ELF1: variants seen among roughly 807,000 people sequenced by gnomAD.
ELF1 encodes the protein E74 like ETS transcription factor 1.
In ELF1, 24 loss-of-function variants were observed where a neutral mutation model predicts 59.9. That is an observed-to-expected ratio of 0.40 (90% CI 0.29 to 0.56). The LOEUF (loss-of-function observed/expected upper bound fraction) is 0.56, where lower values mean the gene tolerates loss of function less well. ELF1 is among the 20% of genes least tolerant of loss of function. The pLI is 0.44. For missense variants in ELF1, 627 were observed against 742.2 expected (o/e 0.84, Z 1.80); for synonymous variants, 248 against 266.2 (o/e 0.93, Z 0.67).
chr13:40,983,473 C>T (rs1031424605), intron 1 of ELF1, among the ~76,000 whole-genome samples: 1 of 152,126 alleles, frequency 6.6e-6, no homozygotes, highest in Admixed American at 6.5e-5. Context: ...TAGGGGTCAT[C>T]ATGGATGACT....
chr13:41,005,877 T>C (rs1230088727), intron 1 of ELF1, among the ~76,000 whole-genome samples: 2 of 152,214 alleles, frequency 1.3e-5, no homozygotes, highest in African/African-American at 4.8e-5. Context: ...TTCTGTATCA[T>C]AAACTTGGGC....
chr13:40,995,662 T>TA (rs79517348), intron 1 of ELF1, among the ~76,000 whole-genome samples: 1,772 of 140,178 alleles, frequency 0.013, 39 homozygotes, highest in African/African-American at 0.041. Flanking sequence ...ATATCCACAT[T>TA]AAAAAAAAAA....
intron 1 of ELF1, among the ~76,000 whole-genome samples, chr13:41,059,716 G>T (rs1877426147): frequency 6.6e-6 from 1 of 152,090 alleles, no homozygotes; most frequent in Non-Finnish European, 1.5e-5. Flanking sequence ...CTCACATGCT[G>T]CTGACACAGC....
intron 1 of ELF1, among the ~76,000 whole-genome samples, chr13:41,000,624 C>T (rs772566794): frequency 4.6e-5 from 7 of 152,020 alleles, no homozygotes; most frequent in Non-Finnish European, 1.0e-4. Flanking sequence ...TGGGCACTTA[C>T]TAGATTTAAA....
At chr13:40,973,944 T>C (rs950383256) in intron 2 of ELF1, among the ~76,000 whole-genome samples, 9 of 152,188 alleles carry the variant, frequency 5.9e-5, no homozygotes, top group African/African-American at 2.2e-4. Flanking sequence ...TTCCATTTAC[T>C]ATAACTGAAT....
rs190102669 is a variant in ELF1 at position 40,994,012 on chromosome 13, A to T, written c.-228-11730T>A. 1.7e-3 allele frequency among the ~76,000 whole-genome samples: 252 copies of T among 152,052 alleles called. 1 individual carries two copies. Among genetic ancestry groups the T allele is most frequent in the Non-Finnish European group, 2.4e-3 (164 of 67,934 alleles). On this transcript the variant is annotated intron_variant, in intron 1 of 8. Coordinates refer to ENST00000239882, the MANE Select transcript of ELF1 (RefSeq NM_172373.4). ...TTAGCTTCAACCATGCTAATAATAA[A>T]AAAAAAAAATCAATATGATCAAACT...
At chr13:41,022,827 C>T (rs990475963), upstream of ELF1, among the ~76,000 whole-genome samples, 1 of 152,062 alleles carries the variant, frequency 6.6e-6, no homozygotes, top group Admixed American at 6.6e-5. Context: ...TGCAGTGAGC[C>T]GAGGTTGCAC....
intron 1 of ELF1, among the ~76,000 whole-genome samples, chr13:41,027,591 T>C (rs1875989209): frequency 6.6e-6 from 1 of 152,222 alleles, no homozygotes; most frequent in African/African-American, 2.4e-5. Flanking sequence ...GCTGCTTCCA[T>C]CACAGAAGGG....
At chr13:40,976,897 C>A (rs1872944793) in intron 2 of ELF1, among the ~76,000 whole-genome samples, 3 of 152,002 alleles carry the variant, frequency 2.0e-5, no homozygotes, top group African/African-American at 7.2e-5. Flanking sequence ...CAATTTACAC[C>A]CTAGAGAGGA....
rs1303515166 is a variant in ELF1, at chr13:41,060,905, A to AGCTGCT, written c.-302_-297dup. 38 of 320,542 alleles carry AGCTGCT rather than the reference A, an allele frequency of 1.2e-4. 1 individual carries two copies. The highest frequency in any genetic ancestry group is 7.6e-4 in the African/African-American group (24 of 31,496). 19.9% of individuals were successfully genotyped at this position (320,542 alleles called of 1,614,324 possible). On this transcript the variant is annotated 5_prime_UTR_variant, in exon 1 of 2. Coordinates refer to the ELF1 transcript ENST00000405737. ...GCCACCGCCGCCTCTGCGCTACTGA[A>AGCTGCT]GCTGCTGCTGCCGCCGCCGCCGCCG...
chr13:40,941,315 G>C lies in ELF1; in HGVS notation c.862C>G (p.Gln288Glu). Reference sequence around the variant, plus strand: ...AGATCTTTTGGCATTTCTTTAAACTGATACACCAAGCGCTGACCTTCCACT... The same window carrying C: ...AGATCTTTTGGCATTTCTTTAAACTCATACACCAAGCGCTGACCTTCCACT... ...AKVEGQRLVY[Q>E]FKEMPKDLIY... The change falls in exon 8 of 9, where the codon CAG (glutamine) becomes GAG (glutamate). Residue 288 changes from glutamine to glutamate, a missense_variant. By Grantham distance (29) the Gln-to-Glu change is conservative (BLOSUM62 2). Around this residue, in one of 3 missense-constraint regions of ELF1, gnomAD observed 361 missense variants for 396.1 expected, o/e 0.91. Coordinates refer to ENST00000239882, the MANE Select transcript of ELF1 (RefSeq NM_172373.4). 1 of 1,613,372 alleles carries C rather than the reference G, an allele frequency of 6.2e-7. No homozygotes were observed. The highest frequency in any genetic ancestry group is 8.5e-7 in the Non-Finnish European group (1 of 1,179,904).
chr13:40,986,696 C>G (rs1417386880), intron 1 of ELF1, among the ~76,000 whole-genome samples: 15 of 152,104 alleles, frequency 9.9e-5, no homozygotes, highest in Admixed American at 9.8e-4. Context: ...ATGCCTCATT[C>G]CAAACAAAAT....
chr13:40,949,781 G>A lies in ELF1; in HGVS notation c.529+25C>T, dbSNP rs764890334. The A allele has an allele frequency of 7.5e-5, 121 of 1,611,730 alleles. 2 individuals are homozygous for A. The South Asian group carries it at 1.0e-3, about 14-fold the overall frequency. On this transcript the variant is annotated intron_variant, in intron 5 of 8. Transcript: ENST00000239882. ...ATTTCACACCAAGACTTGACTATGCGCCCTAAACAAAGTAACCCACCTACC... is the reference window on the plus strand; with the variant it reads ...ATTTCACACCAAGACTTGACTATGCACCCTAAACAAAGTAACCCACCTACC...
At chr13:41,019,616 T>C (rs912146473), upstream of ELF1, among the ~76,000 whole-genome samples, 7 of 152,148 alleles carry the variant, frequency 4.6e-5, no homozygotes, top group African/African-American at 1.7e-4. Flanking sequence ...AAAATCTCAA[T>C]TTTTAAAAGT....
chr13:40,936,156 TAA>T (rs1406633223), intron 8 of ELF1, among the ~76,000 whole-genome samples: 1 of 152,102 alleles, frequency 6.6e-6, no homozygotes, highest in African/African-American at 2.4e-5. Flanking sequence ...ACAGCTTGCA[TAA>T]GGTGACCAGT....
rs574279399 is a variant in ELF1, at chr13:41,059,359, T to C, written c.-229+1479A>G. 2.9e-3 allele frequency among the ~76,000 whole-genome samples: 446 copies of C among 152,356 alleles called. 3 individuals are homozygous for C. Among genetic ancestry groups the C allele is most frequent in the African/African-American group, 0.01 (425 of 41,596 alleles). Reference sequence around the variant, plus strand: ...ACAAACATCAGTAACTTCAAAAGCATGTGGTGGTGCTTGGTGTGTAGCAAA... The same window carrying C: ...ACAAACATCAGTAACTTCAAAAGCACGTGGTGGTGCTTGGTGTGTAGCAAA... On this transcript the variant is annotated intron_variant, in intron 1 of 1. Transcript: ENST00000405737.
At chr13:41,049,510 T>C (rs1410988284) in intron 1 of ELF1, among the ~76,000 whole-genome samples, 1 of 152,208 alleles carries the variant, frequency 6.6e-6, no homozygotes, top group African/African-American at 2.4e-5. Flanking sequence ...TAACATGGCC[T>C]AGAATGTCTT....
At chr13:40,978,238 C>T (rs182034016) in intron 2 of ELF1, among the ~76,000 whole-genome samples, 4 of 151,768 alleles carry the variant, frequency 2.6e-5, no homozygotes, top group African/African-American at 9.7e-5. Context: ...ATTAGCTGGG[C>T]GTGGTGGTGC....
At chr13:40,966,217 T>C (rs1395589624) in intron 2 of ELF1, among the ~76,000 whole-genome samples, 1 of 152,202 alleles carries the variant, frequency 6.6e-6, no homozygotes, top group Non-Finnish European at 1.5e-5. Context: ...CTATCAAAGA[T>C]CAGGGTTTCC....
Sources: gnomAD v4.1 joint callset for allele counts (sites outside exome capture counted in the v4.1 genomes callset) on GRCh38, gnomAD v4.1.1 for gene constraint, gnomAD v4.1.1 regional missense constraint, MANE v1.5 for transcripts, NCBI Gene and HGNC (gene_info 2026-07-23, HGNC 2026-07-21) for gene names.